Variants in SCAPER observed in about 807,000 individuals in gnomAD.
SCAPER encodes the protein S-phase cyclin A associated protein in the ER, also known as S phase cyclin A-associated protein in the endoplasmic reticulum.
A neutral mutation model predicts 182.2 loss-of-function variants in SCAPER; 98 were observed. The ratio of observed to expected loss-of-function variants is 0.54; its 90% CI spans 0.46 to 0.64. The LOEUF is 0.64. Ranked by LOEUF, SCAPER falls within the 30% of genes least tolerant of loss-of-function variation. The pLI is 0.00. For missense variants in SCAPER, 1,432 were observed against 1,690.0 expected (o/e 0.85, Z 2.68); for synonymous variants, 605 against 564.6 (o/e 1.07, Z -1.01).
intron 24 of SCAPER, among the ~76,000 whole-genome samples, chr15:76,480,157 C>T (rs1367010279): frequency 6.6e-6 from 1 of 152,130 alleles, no homozygotes; most frequent in Non-Finnish European, 1.5e-5. Flanking sequence ...TTTTCCAATT[C>T]GTTAGGAAAG....
intron 24 of SCAPER, among the ~76,000 whole-genome samples, chr15:76,499,169 G>A (rs1016605845): frequency 6.6e-5 from 10 of 152,088 alleles, no homozygotes; most frequent in African/African-American, 1.9e-4. Flanking sequence ...AAAAACTCAT[G>A]GAAGTTTAAA....
chr15:76,608,105 G>A (rs2145891064), intron 22 of SCAPER, among the ~76,000 whole-genome samples: 1 of 152,266 alleles, frequency 6.6e-6, no homozygotes, highest in South Asian at 2.1e-4. Context: ...GATTTTTAGA[G>A]TTTCCAGTTT....
chr15:76,529,697 G>C (rs867782676), intron 23 of SCAPER, among the ~76,000 whole-genome samples: 1 of 152,268 alleles, frequency 6.6e-6, no homozygotes, highest in Non-Finnish European at 1.5e-5. Context: ...TAAGTGCCAA[G>C]AGCCTAAGGC....
intron 2 of SCAPER, among the ~76,000 whole-genome samples, chr15:76,879,193 C>G (rs556991818): frequency 1.3e-5 from 2 of 152,308 alleles, no homozygotes; most frequent in East Asian, 3.9e-4. Context: ...AGGACATTTA[C>G]ACAGAATTCT....
chr15:76,781,602 T>C (rs570072318), intron 8 of SCAPER, among the ~76,000 whole-genome samples: 112 of 152,060 alleles, frequency 7.4e-4, no homozygotes, highest in African/African-American at 2.6e-3. Context: ...TTCATCAAGG[T>C]TGAAATGAAG....
At chr15:76,615,744 C>T (rs543425307) in intron 22 of SCAPER, among the ~76,000 whole-genome samples, 435 of 149,576 alleles carry the variant, frequency 2.9e-3, no homozygotes, top group African/African-American at 0.01. Context: ...TACTTGAACC[C>T]GGGAGCTGGA....
chr15:76,690,168 A>G (rs1598179933), intron 20 of SCAPER, among the ~76,000 whole-genome samples: 1 of 152,250 alleles, frequency 6.6e-6, no homozygotes, highest in East Asian at 1.9e-4. Context: ...TTATAATTGT[A>G]TGTATCTCTG....
intron 26 of SCAPER, among the ~76,000 whole-genome samples, chr15:76,418,124 C>A (rs1308365014): frequency 6.6e-6 from 1 of 152,066 alleles, no homozygotes; most frequent in African/African-American, 2.4e-5. Flanking sequence ...AGGAAGTGAC[C>A]AAAACAACAA....
At chr15:76,712,560 C>T (rs1567883664) in intron 17 of SCAPER, among the ~76,000 whole-genome samples, 1 of 152,142 alleles carries the variant, frequency 6.6e-6, no homozygotes, top group Non-Finnish European at 1.5e-5. Flanking sequence ...TTGATTCTTC[C>T]TACCCATGAG....
At chr15:76,834,915 T>C (rs1178787402) in intron 5 of SCAPER, among the ~76,000 whole-genome samples, 1 of 151,654 alleles carries the variant, frequency 6.6e-6, no homozygotes, top group Non-Finnish European at 1.5e-5. Context: ...AGAAAAAACC[T>C]AAAAACCAAA....
chr15:76,520,602 C>T (rs754574431), intron 23 of SCAPER, among the ~76,000 whole-genome samples: 1 of 152,030 alleles, frequency 6.6e-6, no homozygotes. Flanking sequence ...TACACACCCC[C>T]CACCCCCTCA....
At chr15:76,563,904 C>T (rs1022204534) in intron 23 of SCAPER, among the ~76,000 whole-genome samples, 3 of 152,088 alleles carry the variant, frequency 2.0e-5, no homozygotes, top group African/African-American at 7.2e-5. Context: ...GAATTAAAGA[C>T]AAAAAACCCC....
intron 26 of SCAPER, among the ~76,000 whole-genome samples, 185 bp from the exon 27 acceptor site, chr15:76,404,864 T>C (rs2044713362): frequency 1.3e-5 from 2 of 152,186 alleles, no homozygotes; most frequent in Admixed American, 1.3e-4. Context: ...GCTCTTTCTG[T>C]AAGTATTTTT....
At chr15:76,471,161 C>G in intron 25 of SCAPER, 51 bp downstream of exon 25, 1 of 1,451,004 alleles carries the variant, frequency 6.9e-7, no homozygotes, top group Non-Finnish European at 9.2e-7. Context: ...TCCACAGGGA[C>G]TATTTCTCAA....
chr15:76,517,799 A>G (rs2042552933), intron 23 of SCAPER, among the ~76,000 whole-genome samples: 1 of 152,152 alleles, frequency 6.6e-6, no homozygotes, highest in East Asian at 1.9e-4. Context: ...TGAATATAGA[A>G]TACCACATGC....
At chr15:76,728,787 A>G (rs946523338) in intron 16 of SCAPER, 50 bp from the exon 17 acceptor site, 1 of 1,543,860 alleles carries the variant, frequency 6.5e-7, no homozygotes, top group African/African-American at 1.4e-5. Context: ...TGTAAAATAA[A>G]AATGATTCAA....
intron 3 of SCAPER, among the ~76,000 whole-genome samples, chr15:76,860,942 G>A (rs1036891449): frequency 6.6e-6 from 1 of 152,038 alleles, no homozygotes; most frequent in Admixed American, 6.6e-5. Context: ...GAAAAATTGA[G>A]AAGAATTTAA....
chr15:76,365,891 G>A (rs112736976), intron 29 of SCAPER, among the ~76,000 whole-genome samples: 2,042 of 152,214 alleles, frequency 0.013, 45 homozygotes, highest in African/African-American at 0.045. Context: ...GTGCACTTAT[G>A]CATCCTATGC....
intron 23 of SCAPER, among the ~76,000 whole-genome samples, chr15:76,560,371 C>T (rs1427678403): frequency 6.6e-6 from 1 of 152,198 alleles, no homozygotes; most frequent in Non-Finnish European, 1.5e-5. Flanking sequence ...ACTAGAAAGC[C>T]TGTGCTCTTA....
Sources: gnomAD v4.1 joint callset for allele counts (sites outside exome capture counted in the v4.1 genomes callset) on GRCh38, gnomAD v4.1.1 for gene constraint, MANE v1.5 for transcripts, NCBI Gene and HGNC (gene_info 2026-07-23, HGNC 2026-07-21) for gene names.